The following CNIH3 variants were observed in gnomAD, a reference collection of about 807,000 sequenced individuals.
CNIH3 encodes cornichon family AMPA receptor auxiliary protein 3.
CNIH3 carries 14 observed loss-of-function variants against 24.1 expected under a neutral mutation model. The ratio of observed to expected loss-of-function variants is 0.58; its 90% CI spans 0.38 to 0.91. CNIH3 has a LOEUF of 0.91. CNIH3 is among the 40% of genes least tolerant of loss of function. The probability of loss-of-function intolerance (pLI) is 0.00; values close to 1 mark genes in which losing one functional copy is unlikely to be tolerated. For missense variants in CNIH3, 178 were observed against 196.8 expected (o/e 0.90, Z 0.57); for synonymous variants, 68 against 73.8 (o/e 0.92, Z 0.40).
chr1:224,448,888 C>A (rs1344294589), intron 1 of CNIH3, among the ~76,000 whole-genome samples: 1 of 152,040 alleles, frequency 6.6e-6, no homozygotes, highest in Non-Finnish European at 1.5e-5. Flanking sequence ...GGCCTCGTGC[C>A]TGCCTGAGAG....
chr1:224,503,579 TC>T (rs1383456140), intron 1 of CNIH3, among the ~76,000 whole-genome samples: 7 of 152,174 alleles, frequency 4.6e-5, no homozygotes, highest in African/African-American at 1.7e-4. Context: ...TGGGCGGTTG[TC>T]CAGCTGCTCA....
intron 3 of CNIH3, among the ~76,000 whole-genome samples, chr1:224,597,585 C>T (rs1439093572): frequency 1.3e-5 from 2 of 152,106 alleles, no homozygotes; most frequent in Non-Finnish European, 2.9e-5. Flanking sequence ...CAGAAAGCTT[C>T]CAGACAGCTC....
chr1:224,605,349 A>G (rs1682374681), intron 3 of CNIH3, among the ~76,000 whole-genome samples: 1 of 152,194 alleles, frequency 6.6e-6, no homozygotes. Context: ...GAAATCTGAC[A>G]TGTCTGACTC....
intron 1 of CNIH3, among the ~76,000 whole-genome samples, chr1:224,482,370 G>A (rs1157731141): frequency 2.0e-5 from 3 of 152,018 alleles, no homozygotes; most frequent in Non-Finnish European, 4.4e-5. Flanking sequence ...CAGCATGTCC[G>A]AGTCTAACCC....
intron 3 of CNIH3, among the ~76,000 whole-genome samples, chr1:224,696,000 A>G (rs1003828501): frequency 1.3e-5 from 2 of 152,328 alleles, no homozygotes; most frequent in Non-Finnish European, 2.9e-5. Flanking sequence ...GAGGCAGGAA[A>G]GCGTATTGGG....
chr1:224,711,968 A>T (rs915027997), intron 3 of CNIH3, among the ~76,000 whole-genome samples: 1 of 152,102 alleles, frequency 6.6e-6, no homozygotes, highest in Non-Finnish European at 1.5e-5. Flanking sequence ...TGCCTGCTGC[A>T]TCAGGTCCCA....
chr1:224,606,738 G>C (rs956963937), intron 3 of CNIH3, among the ~76,000 whole-genome samples: 9 of 152,282 alleles, frequency 5.9e-5, no homozygotes, highest in African/African-American at 2.2e-4. Flanking sequence ...TATTGCCATG[G>C]TCTTGGTGAG....
At chr1:224,556,083 T>G (rs78681309) in intron 3 of CNIH3, among the ~76,000 whole-genome samples, 2 of 152,364 alleles carry the variant, frequency 1.3e-5, no homozygotes, top group East Asian at 3.8e-4. Flanking sequence ...TGCTCTCATT[T>G]ACTTGTTTCA....
intron 1 of CNIH3, among the ~76,000 whole-genome samples, chr1:224,452,575 A>T (rs1192902515): frequency 6.6e-6 from 1 of 150,924 alleles, no homozygotes; most frequent in African/African-American, 2.4e-5. Context: ...AGGTCAGGAG[A>T]TTGAGACCAT....
At chr1:224,548,350 A>T (rs1679783771) in intron 3 of CNIH3, among the ~76,000 whole-genome samples, 1 of 152,018 alleles carries the variant, frequency 6.6e-6, no homozygotes, top group Non-Finnish European at 1.5e-5. Context: ...CAGTGGGTGT[A>T]CACCCTGTGA....
intron 1 of CNIH3, among the ~76,000 whole-genome samples, chr1:224,634,586 A>T (rs114799299): frequency 1.4e-5 from 2 of 147,486 alleles, no homozygotes; most frequent in South Asian, 2.1e-4. Flanking sequence ...AAAAAAAAAT[A>T]AAAAAAAAAA....
At chr1:224,454,863 G>T (rs1239047126) in intron 1 of CNIH3, among the ~76,000 whole-genome samples, 1 of 151,456 alleles carries the variant, frequency 6.6e-6, no homozygotes, top group Non-Finnish European at 1.5e-5. Flanking sequence ...CCATACACAT[G>T]GCAAAACCAA....
At chr1:224,610,491 T>C (rs1472717356) in intron 3 of CNIH3, among the ~76,000 whole-genome samples, 1 of 152,208 alleles carries the variant, frequency 6.6e-6, no homozygotes, top group East Asian at 1.9e-4. Context: ...CCTGCTGCCA[T>C]GTAAGATGTG....
intron 1 of CNIH3, among the ~76,000 whole-genome samples, chr1:224,506,454 C>T (rs1409960985): frequency 6.6e-6 from 1 of 152,188 alleles, no homozygotes; most frequent in Non-Finnish European, 1.5e-5. Context: ...CTCGATGCCA[C>T]CCTCCTGGCC....
intron 3 of CNIH3, among the ~76,000 whole-genome samples, chr1:224,609,712 G>A (rs942570977): frequency 6.6e-6 from 1 of 152,216 alleles, no homozygotes; most frequent in African/African-American, 2.4e-5. Context: ...GGCAGAACAG[G>A]ATGAGTGATG....
chr1:224,653,827 C>T (rs1684975050), intron 1 of CNIH3, among the ~76,000 whole-genome samples: 2 of 152,234 alleles, frequency 1.3e-5, no homozygotes. Flanking sequence ...CACCTGTAAT[C>T]CCAGCACTTC....
chr1:224,709,537 T>G (rs1417746412), intron 3 of CNIH3, among the ~76,000 whole-genome samples: 2 of 151,816 alleles, frequency 1.3e-5, no homozygotes, highest in Non-Finnish European at 2.9e-5. Context: ...TGAAGAGGGG[T>G]GGGCTGGCTT....
chr1:224,532,971 G>A (rs1388738438), intron 2 of CNIH3, among the ~76,000 whole-genome samples: 1 of 152,146 alleles, frequency 6.6e-6, no homozygotes, highest in African/African-American at 2.4e-5. Flanking sequence ...ATAAAACAAA[G>A]GGTATAATGA....
intron 3 of CNIH3, among the ~76,000 whole-genome samples, chr1:224,559,354 G>A (rs530997339): frequency 2.0e-4 from 31 of 152,000 alleles, no homozygotes; most frequent in Admixed American, 4.6e-4. Context: ...TGTTTTGCTG[G>A]GTTTTTCACT....
Sources: gnomAD v4.1 joint callset for allele counts (sites outside exome capture counted in the v4.1 genomes callset) on GRCh38, gnomAD v4.1.1 for gene constraint, MANE v1.5 for transcripts, NCBI Gene and HGNC (gene_info 2026-07-23, HGNC 2026-07-21) for gene names.